The following NFATC2 variants were observed in gnomAD, a reference collection of about 807,000 sequenced individuals.
NFATC2 encodes the protein nuclear factor of activated T-cells, cytoplasmic 2.
NFATC2 carries 22 observed loss-of-function variants against 87.3 expected under a neutral mutation model. The ratio of observed to expected loss-of-function variants is 0.25; its 90% CI spans 0.18 to 0.36. The LOEUF (loss-of-function observed/expected upper bound fraction) is 0.36. NFATC2 is among the 10% of genes least tolerant of loss of function. NFATC2 has a pLI of 1.00. For synonymous variants in NFATC2, 565 were observed against 542.2 expected, an observed-to-expected ratio of 1.04 and a Z score of -0.58; for missense variants, 1,149 against 1,259.1, an observed-to-expected ratio of 0.91 and a Z score of 1.32.
intron 5 of NFATC2, among the ~76,000 whole-genome samples, chr20:51,468,731 G>A (rs1007673665): frequency 2.0e-5 from 3 of 152,234 alleles, no homozygotes; most frequent in Admixed American, 6.5e-5. Flanking sequence ...GCCTGGTTCC[G>A]TCTTTATAGG....
intron 1 of NFATC2, among the ~76,000 whole-genome samples, chr20:51,550,457 G>T (rs2076923676): frequency 6.6e-6 from 1 of 152,076 alleles, no homozygotes; most frequent in African/African-American, 2.4e-5. Context: ...CAGGCATGGT[G>T]GTGGGCGCCT....
chr20:51,506,267 T>G (rs1338698549), intron 3 of NFATC2, among the ~76,000 whole-genome samples: 1 of 152,214 alleles, frequency 6.6e-6, no homozygotes, highest in Non-Finnish European at 1.5e-5. Context: ...GAGCCTTGGT[T>G]TCCTCATTCA....
At chr20:51,437,578 T>TC (rs1000469436) in intron 6 of NFATC2, among the ~76,000 whole-genome samples, 13 of 144,924 alleles carry the variant, frequency 9.0e-5, no homozygotes, top group African/African-American at 3.2e-4. Flanking sequence ...CCCACCCACC[T>TC]CCCCCATGAA....
intron 3 of NFATC2, among the ~76,000 whole-genome samples, chr20:51,516,105 G>A (rs1246055707): frequency 4.0e-5 from 6 of 151,530 alleles, no homozygotes; most frequent in Non-Finnish European, 7.4e-5. Context: ...TTATTTTGGG[G>A]AAAAATAGGC....
At chr20:51,554,108 G>A (rs906651767) in intron 1 of NFATC2, among the ~76,000 whole-genome samples, 19 of 152,024 alleles carry the variant, frequency 1.2e-4, no homozygotes, top group Non-Finnish European at 1.6e-4. Context: ...GCTCCCATCC[G>A]CACAACTAAA....
chr20:51,402,048 T>C (rs1298394117), intron 9 of NFATC2, among the ~76,000 whole-genome samples: 1 of 152,206 alleles, frequency 6.6e-6, no homozygotes, highest in Non-Finnish European at 1.5e-5. Context: ...ACGTCCAGTT[T>C]TGTGTTTCTA....
intron 5 of NFATC2, among the ~76,000 whole-genome samples, chr20:51,464,742 G>A (rs1292253302): frequency 6.6e-6 from 1 of 152,220 alleles, no homozygotes; most frequent in Non-Finnish European, 1.5e-5. Flanking sequence ...GATTTATAAT[G>A]AGATGATGCC....
chr20:51,393,750 T>C (rs1180645558), intron 10 of NFATC2, among the ~76,000 whole-genome samples: 1 of 152,148 alleles, frequency 6.6e-6, no homozygotes, highest in Non-Finnish European at 1.5e-5. Context: ...CCAAAGGGCT[T>C]CCTGTTTTCT....
At chr20:51,457,351 C>T (rs1056748767) in intron 5 of NFATC2, among the ~76,000 whole-genome samples, 1 of 152,218 alleles carries the variant, frequency 6.6e-6, no homozygotes. Flanking sequence ...GGCAAGCCAG[C>T]CCAAGGCTTG....
chr20:51,434,889 G>A (rs1233076397), intron 8 of NFATC2, among the ~76,000 whole-genome samples: 1 of 152,140 alleles, frequency 6.6e-6, no homozygotes, highest in Non-Finnish European at 1.5e-5. Flanking sequence ...CCACCCTTCT[G>A]CTGAACATGC....
At chr20:51,508,653 G>C (rs1306225738) in intron 3 of NFATC2, among the ~76,000 whole-genome samples, 1 of 151,898 alleles carries the variant, frequency 6.6e-6, no homozygotes, top group Admixed American at 6.6e-5. Context: ...ACCTCTAAAA[G>C]ATGCTTTCCC....
rs1455056580 is a variant in NFATC2 at position 51,391,050 on chromosome 20, G to A, written c.*446C>T. 4 of 424,558 alleles carry A rather than the reference G, an allele frequency of 9.4e-6. No homozygotes were observed. The highest frequency in any genetic ancestry group is 7.2e-4 in the Middle Eastern group (1 of 1,386). 26.3% of individuals were successfully genotyped at this position (424,558 alleles called of 1,614,324 possible). On this transcript the variant is annotated 3_prime_UTR_variant, in exon 11 of 11. Coordinates refer to ENST00000371564, the MANE Select transcript of NFATC2 (RefSeq NM_012340.5). ...ACAGTGCCCACATCTTCTGTCCCCC[G>A]TCCATCCCCCCAAGCTCCAGTCACT...
chr20:51,520,663 TTTA>T (rs897294575), intron 2 of NFATC2, among the ~76,000 whole-genome samples: 12 of 150,890 alleles, frequency 8.0e-5, no homozygotes, highest in Non-Finnish European at 1.8e-4. Context: ...ATTATTATTA[TTTA>T]TTTTTATTTT....
chr20:51,420,986 A>T (rs1015907755), intron 9 of NFATC2, among the ~76,000 whole-genome samples: 1 of 151,974 alleles, frequency 6.6e-6, no homozygotes, highest in Non-Finnish European at 1.5e-5. Context: ...GTTTGAGCCC[A>T]GGAAATCGAC....
At chr20:51,546,585 C>T (rs889139132), upstream of NFATC2, among the ~76,000 whole-genome samples, 9 of 152,266 alleles carry the variant, frequency 5.9e-5, no homozygotes, top group Middle Eastern at 3.4e-3. Flanking sequence ...TCCCCAGCCT[C>T]TCCAACCGAA....
chr20:51,540,660 T>TG (rs1348718568), intron 1 of NFATC2, among the ~76,000 whole-genome samples: 11 of 105,782 alleles, frequency 1.0e-4, no homozygotes, highest in East Asian at 4.3e-4. Context: ...TTTTTTTTGT[T>TG]TTTTTTTTTT....
intron 9 of NFATC2, among the ~76,000 whole-genome samples, chr20:51,426,422 G>C (rs961573225): frequency 6.6e-6 from 1 of 151,860 alleles, no homozygotes; most frequent in South Asian, 2.1e-4. Context: ...AGGTTGCAGC[G>C]AGCCAAGATC....
At position 51,390,943 on chromosome 20, in the gene NFATC2, C is replaced by T; in HGVS notation, c.*553G>A. 3.9e-6 allele frequency: 1 copy of T among 254,586 alleles called. No homozygotes were observed. The highest frequency in any genetic ancestry group is 7.9e-6 in the Non-Finnish European group (1 of 126,312). The allele number at this position is 254,586 out of a possible 1,614,324, so 15.8% of individuals were successfully genotyped here. A position where few individuals can be genotyped will look rare whatever the true frequency, so the allele number is the denominator to read the frequency against. On this transcript the variant is annotated 3_prime_UTR_variant, in exon 11 of 11. Coordinates refer to ENST00000371564, the MANE Select transcript of NFATC2 (RefSeq NM_012340.5). ...CTCTTGGGTCACGTTCCTTTGGTTG[C>T]TCTGAGAACTCCTTGCCTTCAAAAG...
Position 51,523,943 on chromosome 20 carries a change from C to A in NFATC2, c.298G>T (p.Ala100Ser), listed in dbSNP as rs756022676. ...CCCGAGGCCCCTGCTGGCTTGGCCG[C>A]GCTCAGAAACTTCTGCGGCCCTACC... ...DRVGPQKFLS[A>S]AKPAGASGLS... Residue 100 changes from alanine (A) to serine (S), a missense_variant, in exon 2 of 11, where the codon GCG becomes TCG. Physicochemically the swap from Ala to Ser is moderately conservative, Grantham distance 99. This residue lies in a region of NFATC2 where 563 missense variants were observed against 585.2 expected (regional missense o/e 0.96). Coordinates refer to ENST00000371564, the MANE Select transcript of NFATC2 (RefSeq NM_012340.5). The surrounding 1 kb of genome is among the most constrained non-coding windows in gnomAD (Gnocchi z 6.9). The A allele has an allele frequency of 2.9e-5, 46 of 1,595,198 alleles. No individual in the cohort carries two copies. Among genetic ancestry groups the A allele is most frequent in the East Asian group, 4.5e-5 (2 of 44,752 alleles).
Sources: gnomAD v4.1 joint callset for allele counts (sites outside exome capture counted in the v4.1 genomes callset) on GRCh38, gnomAD v4.1.1 for gene constraint, gnomAD v4.1.1 regional missense constraint, Gnocchi (gnomAD v3.1) non-coding constraint, MANE v1.5 for transcripts, NCBI Gene and HGNC (gene_info 2026-07-23, HGNC 2026-07-21) for gene names.